Variants in NPAS3 observed in about 807,000 individuals in gnomAD.
NPAS3 encodes neuronal PAS domain protein 3.
In NPAS3, 14 loss-of-function variants were observed where a neutral mutation model predicts 73.1. The ratio of observed to expected loss-of-function variants is 0.19; its 90% CI spans 0.13 to 0.30. NPAS3 has a LOEUF of 0.30. NPAS3 is among the 10% of genes least tolerant of loss of function. The pLI is 1.00. For synonymous variants in NPAS3, 620 were observed against 541.5 expected (o/e 1.14, Z -2.01); for missense variants, 1,096 against 1,250.0 (o/e 0.88, Z 1.86).
intron 3 of NPAS3, among the ~76,000 whole-genome samples, chr14:33,266,981 T>A (rs1007887676): frequency 6.6e-6 from 1 of 152,164 alleles, no homozygotes; most frequent in Non-Finnish European, 1.5e-5. Context: ...ATATCTGACT[T>A]AGCAAGGCAA....
intron 3 of NPAS3, among the ~76,000 whole-genome samples, chr14:33,285,715 T>C (rs978767330): frequency 3.3e-5 from 5 of 152,250 alleles, no homozygotes; most frequent in Non-Finnish European, 7.3e-5. Flanking sequence ...ACTGCTTCTC[T>C]TTCTCTGTCT....
chr14:33,317,229 A>G (rs151123096), intron 3 of NPAS3, among the ~76,000 whole-genome samples: 255 of 152,214 alleles, frequency 1.7e-3, no homozygotes, highest in African/African-American at 5.4e-3. Flanking sequence ...TAGCTTTTCC[A>G]TGGCAGAAGT....
intron 1 of NPAS3, among the ~76,000 whole-genome samples, chr14:32,969,234 A>G (rs2037319659): frequency 3.3e-5 from 5 of 152,078 alleles, no homozygotes; most frequent in Admixed American, 2.0e-4. Context: ...GTGGTGAGAG[A>G]GAGAAAACCC....
At position 33,455,075 on chromosome 14, in the gene NPAS3, T is replaced by C. The variant is rs138934036; in HGVS notation, c.468+87807T>C. On this transcript the variant is annotated intron_variant, in intron 4 of 11. Coordinates refer to ENST00000356141, the Ensembl canonical transcript of NPAS3. ...GCATTTTGGCAGCATGATAATCTGT[T>C]ATATCCAGACAGTTGCTGCAAATAG... is the stretch of plus-strand genomic sequence containing the variant. Among the ~76,000 whole-genome samples, 442 of 152,324 alleles carry C rather than the reference T, an allele frequency of 2.9e-3. 3 individuals are homozygous for C. Among genetic ancestry groups the C allele is most frequent in the Non-Finnish European group, 4.9e-3 (330 of 68,014 alleles).
rs573529112 is a variant in NPAS3 at position 33,072,133 on chromosome 14, C to T, written c.140+16139C>T. Among the ~76,000 whole-genome samples the T allele has an allele frequency of 9.2e-5, 14 of 152,274 alleles. No homozygotes were observed. In the South Asian group the frequency reaches 1.9e-3, roughly 20 times the overall value. On this transcript the variant is annotated intron_variant, in intron 2 of 11. Transcript: ENST00000356141. ...CTCAAACTCCTGATCTCAGGTGATC[C>T]GCCTGCCTCGGTCTCCTAAAGTGCT...
chr14:33,346,600 A>G (rs2044747496), intron 3 of NPAS3, among the ~76,000 whole-genome samples: 1 of 151,928 alleles, frequency 6.6e-6, no homozygotes. Context: ...CTTTGCCCTC[A>G]AGAAAATTAG....
In NPAS3 at chr14:32,939,373, CTT is replaced by C; in HGVS notation, c.50+10_50+11del. On this transcript the variant is annotated splice_region_variant and intron_variant, in intron 1 of 11. Transcript: ENST00000356141. ...ATCCTTCCAGGCGAGAACGGTAACA[CTT>C]TTCTGTTTATTGAACCTGCCGCCGG... 1 of 694,936 alleles carries C rather than the reference CTT, an allele frequency of 1.4e-6. No homozygotes were observed. 43.0% of individuals were successfully genotyped at this position (694,936 alleles called of 1,614,324 possible). A position where few individuals can be genotyped will look rare whatever the true frequency, so the allele number is the denominator to read the frequency against.
chr14:33,597,567 T>C (rs182567734), intron 5 of NPAS3, among the ~76,000 whole-genome samples: 170 of 152,368 alleles, frequency 1.1e-3, no homozygotes, highest in Admixed American at 3.6e-3. Flanking sequence ...CAGATTGCCA[T>C]GTTGATTTTC....
chr14:32,994,633 T>TG (rs1566443571), intron 1 of NPAS3, among the ~76,000 whole-genome samples: 6 of 125,922 alleles, frequency 4.8e-5, no homozygotes, highest in African/African-American at 2.2e-4. Flanking sequence ...TTTGTTTGTT[T>TG]TTGTTTTTTT....
At chr14:33,199,693 C>T (rs534351018) in intron 2 of NPAS3, among the ~76,000 whole-genome samples, 1 of 147,228 alleles carries the variant, frequency 6.8e-6, no homozygotes, top group African/African-American at 2.5e-5. Flanking sequence ...TCTCTTTGCC[C>T]CCTGCCCTTT....
At chr14:33,353,507 C>T (rs2045179616) in intron 3 of NPAS3, among the ~76,000 whole-genome samples, 1 of 152,098 alleles carries the variant, frequency 6.6e-6, no homozygotes, top group African/African-American at 2.4e-5. Context: ...GCCAATTGGA[C>T]CAGGAGAAAA....
rs75853088 is a variant in NPAS3 at position 33,129,406 on chromosome 14, G to A, written c.140+73412G>A. ...TATTGATAGCATATCCAAAAACTGC[G>A]GTGGTTTTCTGAATTAAAGAAGCTC... On this transcript the variant is annotated intron_variant, in intron 2 of 11. Coordinates refer to ENST00000356141, the Ensembl canonical transcript of NPAS3. 1.2e-3 allele frequency among the ~76,000 whole-genome samples: 183 copies of A among 152,150 alleles called. 1 individual carries two copies. The highest frequency in any genetic ancestry group is 2.1e-3 in the Non-Finnish European group (145 of 67,990).
intron 4 of NPAS3, among the ~76,000 whole-genome samples, chr14:33,445,011 A>G (rs1594920504): frequency 2.0e-5 from 3 of 152,338 alleles, no homozygotes; most frequent in Admixed American, 2.0e-4. Flanking sequence ...TTTTATTTAA[A>G]CCAAAATATT....
At chr14:33,740,039 C>G (rs1275926135) in intron 7 of NPAS3, among the ~76,000 whole-genome samples, 1 of 152,102 alleles carries the variant, frequency 6.6e-6, no homozygotes, top group African/African-American at 2.4e-5. Flanking sequence ...TGAGATTTTA[C>G]TTACATTCTC....
intron 2 of NPAS3, among the ~76,000 whole-genome samples, chr14:33,131,693 A>G (rs1052082604): frequency 6.6e-6 from 1 of 152,186 alleles, no homozygotes; most frequent in African/African-American, 2.4e-5. Flanking sequence ...TTGCGTGTGC[A>G]TGCCCACACA....
At chr14:33,055,373 T>C (rs2040852672) in intron 1 of NPAS3, among the ~76,000 whole-genome samples, 1 of 152,216 alleles carries the variant, frequency 6.6e-6, no homozygotes, top group African/African-American at 2.4e-5. Flanking sequence ...TGTGTTTTCA[T>C]CCCTAATTGG....
chr14:33,734,012 A>T (rs1344600701), intron 6 of NPAS3, among the ~76,000 whole-genome samples: 1 of 152,176 alleles, frequency 6.6e-6, no homozygotes, highest in Non-Finnish European at 1.5e-5. Context: ...ACCCTTAGAA[A>T]TATATGGAAT....
chr14:33,792,261 G>C (rs148344406), intron 9 of NPAS3, among the ~76,000 whole-genome samples: 30 of 152,082 alleles, frequency 2.0e-4, no homozygotes, highest in Non-Finnish European at 3.2e-4. Flanking sequence ...ACAGTTCCGG[G>C]CCTTCAAAAC....
At chr14:33,584,414 G>GAAAAAA (rs1432664061) in intron 5 of NPAS3, among the ~76,000 whole-genome samples, 182 of 139,624 alleles carry the variant, frequency 1.3e-3, no homozygotes, top group African/African-American at 4.1e-3. Flanking sequence ...AAAAAAAAAG[G>GAAAAAA]GGGATCAATA....
Sources: allele counts gnomAD v4.1 joint callset (sites outside exome capture counted in the v4.1 genomes callset), GRCh38; gene constraint gnomAD v4.1.1; transcripts MANE v1.5; gene names NCBI Gene and HGNC (gene_info 2026-07-23, HGNC 2026-07-21).